The following LRRC4C variants were observed in gnomAD, a reference collection of about 807,000 sequenced individuals.
The protein encoded by LRRC4C is leucine rich repeat containing 4C.
A neutral mutation model predicts 33.6 loss-of-function variants in LRRC4C; 5 were observed. The ratio of observed to expected loss-of-function variants is 0.15; its 90% CI spans 0.08 to 0.31. The LOEUF is 0.31. LRRC4C is among the 10% of genes least tolerant of loss of function. The pLI is 1.00. For synonymous variants in LRRC4C, 329 were observed against 302.0 expected (o/e 1.09, Z -0.93); for missense variants, 560 against 796.7 (o/e 0.70, Z 3.58).
chr11:41,354,784 A>T (rs1565607020), intron 1 of LRRC4C, among the ~76,000 whole-genome samples: 1 of 152,100 alleles, frequency 6.6e-6, no homozygotes, highest in Non-Finnish European at 1.5e-5. Context: ...AAATAATGGA[A>T]TAACTGGCTA....
intron 3 of LRRC4C, among the ~76,000 whole-genome samples, chr11:40,619,118 G>T (rs985785342): frequency 6.6e-6 from 1 of 151,624 alleles, no homozygotes; most frequent in Admixed American, 6.6e-5. Flanking sequence ...GAACGTAGAG[G>T]GTAGAAGAAT....
intron 2 of LRRC4C, among the ~76,000 whole-genome samples, chr11:40,740,595 C>A (rs1396709325): frequency 6.6e-6 from 1 of 151,850 alleles, no homozygotes; most frequent in East Asian, 1.9e-4. Context: ...TAATAGTTGT[C>A]TCATTTGTTA....
intron 1 of LRRC4C, among the ~76,000 whole-genome samples, chr11:40,945,122 G>A (rs955248984): frequency 1.3e-5 from 2 of 149,848 alleles, no homozygotes; most frequent in African/African-American, 5.0e-5. Flanking sequence ...CTGCCTCCCG[G>A]GTTCACATGC....
At chr11:41,451,377 G>T (rs1036864412) in intron 1 of LRRC4C, among the ~76,000 whole-genome samples, 1 of 150,980 alleles carries the variant, frequency 6.6e-6, no homozygotes, top group Admixed American at 6.6e-5. Context: ...TATAGATTTT[G>T]TGTGTGTGTG....
chr11:41,362,045 A>G lies in LRRC4C; in HGVS notation c.-496+97386T>C, dbSNP rs1952372399. Among the ~76,000 whole-genome samples the G allele has an allele frequency of 1.3e-5, 2 of 152,324 alleles. 1 individual carries two copies. The highest frequency in any genetic ancestry group is 6.8e-3 in the Middle Eastern group (2 of 294). On this transcript the variant is annotated intron_variant, in intron 1 of 6. Transcript: ENST00000528697. ...TATTTCTAACAGCATTAGTTTTCAAAGAAAGTTTGGAGATGCAGTTTAATC... is the reference window on the plus strand; with the variant it reads ...TATTTCTAACAGCATTAGTTTTCAAGGAAAGTTTGGAGATGCAGTTTAATC...
chr11:41,061,496 G>A (rs1287977300), intron 1 of LRRC4C, among the ~76,000 whole-genome samples: 2 of 152,120 alleles, frequency 1.3e-5, no homozygotes, highest in Non-Finnish European at 2.9e-5. Flanking sequence ...ATGTTACCGG[G>A]CACTGTGACA....
At chr11:40,857,642 T>C (rs116543500) in intron 2 of LRRC4C, among the ~76,000 whole-genome samples, 2,826 of 152,280 alleles carry the variant, frequency 0.019, 76 homozygotes, top group African/African-American at 0.055. Flanking sequence ...ATGGGCATGG[T>C]TGTGGTTCAT....
chr11:41,359,514 A>T (rs1184188795), intron 1 of LRRC4C, among the ~76,000 whole-genome samples: 2 of 152,152 alleles, frequency 1.3e-5, no homozygotes, highest in Non-Finnish European at 2.9e-5. Flanking sequence ...CTTTAAAAAT[A>T]AGTGTTTGTT....
At chr11:40,537,958 C>T (rs995808387) in intron 3 of LRRC4C, among the ~76,000 whole-genome samples, 2 of 152,092 alleles carry the variant, frequency 1.3e-5, no homozygotes, top group African/African-American at 4.8e-5. Flanking sequence ...TCAAGCGTCA[C>T]CCCAGACCCA....
At chr11:41,107,496 A>G (rs983941673) in intron 1 of LRRC4C, among the ~76,000 whole-genome samples, 8 of 152,114 alleles carry the variant, frequency 5.3e-5, no homozygotes, top group South Asian at 2.1e-4. Context: ...TTTTATTTCT[A>G]AAATAGAAAC....
chr11:40,168,349 T>A (rs1026614721), intron 5 of LRRC4C, among the ~76,000 whole-genome samples: 1 of 152,176 alleles, frequency 6.6e-6, no homozygotes, highest in Non-Finnish European at 1.5e-5. Context: ...TGGGTAGGGT[T>A]GCACACTGAC....
intron 1 of LRRC4C, among the ~76,000 whole-genome samples, chr11:41,002,658 A>G (rs1473266687): frequency 6.6e-6 from 1 of 152,158 alleles, no homozygotes; most frequent in African/African-American, 2.4e-5. Flanking sequence ...ACAATTTAGT[A>G]GTTTTGAGTA....
At chr11:40,141,203 A>T (rs113155347) in intron 5 of LRRC4C, among the ~76,000 whole-genome samples, 7,828 of 152,200 alleles carry the variant, frequency 0.051, 230 homozygotes, top group Middle Eastern at 0.11. Flanking sequence ...CATTATAATG[A>T]TGGATAGGAA....
intron 3 of LRRC4C, among the ~76,000 whole-genome samples, chr11:40,627,766 C>A (rs946103325): frequency 6.6e-6 from 1 of 152,170 alleles, no homozygotes; most frequent in Non-Finnish European, 1.5e-5. Flanking sequence ...CTGAGAAACT[C>A]AAGCGTGAAG....
At chr11:41,411,848 G>A (rs1954501811) in intron 1 of LRRC4C, among the ~76,000 whole-genome samples, 1 of 152,160 alleles carries the variant, frequency 6.6e-6, no homozygotes, top group Admixed American at 6.5e-5. Context: ...GTAAGTGTGG[G>A]TGTATGTGGG....
At chr11:40,856,194 G>A (rs1164014276) in intron 2 of LRRC4C, among the ~76,000 whole-genome samples, 1 of 152,090 alleles carries the variant, frequency 6.6e-6, no homozygotes, top group African/African-American at 2.4e-5. Context: ...AAAGTCTATA[G>A]GGTGTGAATT....
chr11:41,208,720 C>T (rs951287799), intron 1 of LRRC4C, among the ~76,000 whole-genome samples: 1 of 152,208 alleles, frequency 6.6e-6, no homozygotes, highest in Non-Finnish European at 1.5e-5. Flanking sequence ...GTCCCAAAGA[C>T]AATTCAGAGA....
intron 1 of LRRC4C, among the ~76,000 whole-genome samples, chr11:41,047,697 C>A (rs1857878142): frequency 6.6e-6 from 1 of 152,156 alleles, no homozygotes; most frequent in South Asian, 2.1e-4. Flanking sequence ...AATTAAAATC[C>A]AATTCCTGGT....
intron 3 of LRRC4C, among the ~76,000 whole-genome samples, chr11:40,514,359 G>A (rs947296025): frequency 8.5e-5 from 13 of 152,090 alleles, no homozygotes; most frequent in African/African-American, 2.9e-4. Flanking sequence ...AATCATTCTT[G>A]GCTCAATTCC....
Sources: gnomAD v4.1 joint callset for allele counts (sites outside exome capture counted in the v4.1 genomes callset) on GRCh38, gnomAD v4.1.1 for gene constraint, MANE v1.5 for transcripts, NCBI Gene and HGNC (gene_info 2026-07-23, HGNC 2026-07-21) for gene names.